The following STK32B variants were observed in gnomAD, a reference collection of about 807,000 sequenced individuals.
The protein encoded by STK32B is serine/threonine kinase 32B, also known as serine/threonine-protein kinase 32B.
In STK32B, 43 loss-of-function variants were observed where a neutral mutation model predicts 52.6. The observed-to-expected ratio is 0.82, with a 90% CI of 0.64 to 1.05. The LOEUF (loss-of-function observed/expected upper bound fraction) is 1.05. Ranked by LOEUF, STK32B falls within the 50% of genes least tolerant of loss-of-function variation. STK32B has a pLI of 0.00. For missense variants in STK32B, 621 were observed against 534.6 expected, an observed-to-expected ratio of 1.16 and a Z score of -1.59; for synonymous variants, 238 against 204.3, an observed-to-expected ratio of 1.17 and a Z score of -1.41.
chr4:5,422,349 T>A (rs1712713383), intron 6 of STK32B, among the ~76,000 whole-genome samples: 1 of 152,152 alleles, frequency 6.6e-6, no homozygotes, highest in Non-Finnish European at 1.5e-5. Context: ...CTTGAGCTGT[T>A]CAGTTCAAAG....
At chr4:5,091,171 T>C (rs1203483592) in intron 1 of STK32B, among the ~76,000 whole-genome samples, 1 of 152,186 alleles carries the variant, frequency 6.6e-6, no homozygotes, top group African/African-American at 2.4e-5. Context: ...GGGCAAGTGC[T>C]TCTTACTGTT....
At chr4:5,468,772 T>C (rs1424856227) in intron 11 of STK32B, among the ~76,000 whole-genome samples, 1 of 152,058 alleles carries the variant, frequency 6.6e-6, no homozygotes, top group African/African-American at 2.4e-5. Context: ...AATGATAATA[T>C]CTAGAGGAGG....
At chr4:5,288,829 G>A (rs568986086) in intron 3 of STK32B, among the ~76,000 whole-genome samples, 2 of 152,158 alleles carry the variant, frequency 1.3e-5, no homozygotes, top group South Asian at 4.2e-4. Flanking sequence ...CCTATGTTTT[G>A]TTCTGAAATA....
Position 5,226,356 on chromosome 4 carries a change from C to A in STK32B, c.260+57906C>A, listed in dbSNP as rs538174104. ...CATCCAGGACACAAGTATAGTAGCT[C>A]CCCATTTTTGCATGGTTTCATTCTC... is the stretch of plus-strand genomic sequence containing the variant. On this transcript the variant is annotated intron_variant, in intron 3 of 11. Coordinates refer to ENST00000282908, the MANE Select transcript of STK32B (RefSeq NM_018401.3). Among the ~76,000 whole-genome samples, 15 of 152,280 alleles carry A rather than the reference C, an allele frequency of 9.9e-5. No individual in the cohort carries two copies. In the South Asian group the frequency reaches 3.1e-3, roughly 32 times the overall value.
chr4:5,321,957 G>C (rs986582328), intron 3 of STK32B, among the ~76,000 whole-genome samples: 7 of 146,296 alleles, frequency 4.8e-5, no homozygotes, highest in African/African-American at 1.8e-4. Flanking sequence ...AGAACAATGA[G>C]AGCCATCATG....
chr4:5,266,512 G>C (rs1577266843), intron 3 of STK32B, among the ~76,000 whole-genome samples: 1 of 152,328 alleles, frequency 6.6e-6, no homozygotes, highest in Non-Finnish European at 1.5e-5. Context: ...CCATTGAGAG[G>C]TGGCGTGAAC....
In STK32B at chr4:5,426,257, C is replaced by T. The variant is rs116890828; in HGVS notation, c.562+9323C>T. Among the ~76,000 whole-genome samples the T allele has an allele frequency of 9.2e-5, 14 of 152,246 alleles. No homozygotes were observed. The East Asian group carries it at 9.7e-4, about 11-fold the overall frequency. On this transcript the variant is annotated intron_variant, in intron 6 of 11. Coordinates refer to ENST00000282908, the MANE Select transcript of STK32B (RefSeq NM_018401.3). ...TTGCCAGTACTTGGTATCGTCCCAT[C>T]GTTGAGGTCATTAGGCATTCTAATA...
intron 3 of STK32B, among the ~76,000 whole-genome samples, chr4:5,235,299 G>A (rs890712077): frequency 2.6e-5 from 4 of 152,212 alleles, no homozygotes; most frequent in Non-Finnish European, 5.9e-5. Context: ...TGGTGGTCAA[G>A]AGCATGTTCT....
At chr4:5,175,044 A>G (rs530525170) in intron 3 of STK32B, among the ~76,000 whole-genome samples, 1 of 152,012 alleles carries the variant, frequency 6.6e-6, no homozygotes, top group Admixed American at 6.5e-5. Context: ...GCTTCATTTC[A>G]TTCATTTCAT....
At chr4:5,274,985 A>C (rs545913987) in intron 3 of STK32B, among the ~76,000 whole-genome samples, 205 of 152,270 alleles carry the variant, frequency 1.3e-3, no homozygotes, top group African/African-American at 4.7e-3. Flanking sequence ...AACACTAGTC[A>C]CTGGGTTCCA....
At chr4:5,486,313 C>T (rs1327695230) in intron 11 of STK32B, among the ~76,000 whole-genome samples, 1 of 152,202 alleles carries the variant, frequency 6.6e-6, no homozygotes, top group Non-Finnish European at 1.5e-5. Flanking sequence ...AACCTCGCTG[C>T]AGCCTTGCAG....
At chr4:5,213,113 A>G (rs1577200254) in intron 3 of STK32B, among the ~76,000 whole-genome samples, 2 of 152,120 alleles carry the variant, frequency 1.3e-5, no homozygotes, top group African/African-American at 2.4e-5. Flanking sequence ...GACACTTTTA[A>G]CCCATTATTG....
intron 7 of STK32B, among the ~76,000 whole-genome samples, chr4:5,455,941 GA>G (rs1398060581): frequency 6.6e-6 from 1 of 152,118 alleles, no homozygotes; most frequent in Non-Finnish European, 1.5e-5. Context: ...ACGTGCCAGG[GA>G]AACTGTTGTT....
chr4:5,426,258 G>C (rs530421836), intron 6 of STK32B, among the ~76,000 whole-genome samples: 1 of 152,128 alleles, frequency 6.6e-6, no homozygotes, highest in African/African-American at 2.4e-5. Flanking sequence ...TCGTCCCATC[G>C]TTGAGGTCAT....
intron 3 of STK32B, among the ~76,000 whole-genome samples, chr4:5,195,386 C>T (rs2108769196): frequency 1.3e-5 from 2 of 152,282 alleles, no homozygotes; most frequent in Admixed American, 1.3e-4. Flanking sequence ...GGGCACTTTT[C>T]AACCAGTAAA....
intron 2 of STK32B, among the ~76,000 whole-genome samples, chr4:5,151,072 C>T (rs192223200): frequency 5.3e-5 from 8 of 152,208 alleles, no homozygotes; most frequent in Non-Finnish European, 8.8e-5. Context: ...TGTCATCATC[C>T]GTTGAAAATT....
At chr4:5,458,242 G>C (rs1170773876) in intron 8 of STK32B, among the ~76,000 whole-genome samples, 2 of 152,170 alleles carry the variant, frequency 1.3e-5, no homozygotes, top group Admixed American at 6.5e-5. Context: ...TGCCTTTAAG[G>C]CTCCCTTCAC....
the STK32B span, among the ~76,000 whole-genome samples, chr4:5,044,853 G>A: frequency 6.6e-6 from 1 of 152,200 alleles, no homozygotes; most frequent in East Asian, 1.9e-4. Context: ...TGAGGCTGCA[G>A]TGAGCCATGA....
rs935676810 is a variant in STK32B at position 5,500,412 on chromosome 4, T to C, written c.*1329T>C. On this transcript the variant is annotated 3_prime_UTR_variant, in exon 12 of 12. Transcript: ENST00000282908. ...TAATCGTCATCATTATTTAGATACT[T>C]TCTTCCTTCACTCACCCAGCAGGTC... The C allele has an allele frequency of 2.0e-5, 3 of 152,178 alleles. No individual in the cohort carries two copies. Among genetic ancestry groups the C allele is most frequent in the Admixed American group, 2.0e-4 (3 of 15,288 alleles). The allele number at this position is 152,178 out of a possible 1,614,324, so 9.4% of individuals were successfully genotyped here. A position where few individuals can be genotyped will look rare whatever the true frequency, so the allele number is the denominator to read the frequency against.
Sources: allele counts gnomAD v4.1 joint callset (sites outside exome capture counted in the v4.1 genomes callset), GRCh38; gene constraint gnomAD v4.1.1; transcripts MANE v1.5; gene names NCBI Gene and HGNC (gene_info 2026-07-23, HGNC 2026-07-21).